DOCK10: variants seen among roughly 807,000 people sequenced by gnomAD.
The protein encoded by DOCK10 is dedicator of cytokinesis 10, also known as dedicator of cytokinesis protein 10.
In DOCK10, 145 loss-of-function variants were observed where a neutral mutation model predicts 280.1. The observed-to-expected ratio is 0.52, with a 90% CI of 0.45 to 0.59. The LOEUF (loss-of-function observed/expected upper bound fraction) is 0.59. Ranked by LOEUF, DOCK10 falls within the 20% of genes least tolerant of loss-of-function variation. DOCK10 has a pLI of 0.00. For missense variants in DOCK10, 2,368 were observed against 2,651.7 expected, an observed-to-expected ratio of 0.89 and a Z score of 2.35; for synonymous variants, 915 against 942.2, an observed-to-expected ratio of 0.97 and a Z score of 0.53.
intron 1 of DOCK10, among the ~76,000 whole-genome samples, chr2:224,968,788 A>C (rs1191463544): frequency 6.6e-6 from 1 of 152,250 alleles, no homozygotes; most frequent in Non-Finnish European, 1.5e-5. Flanking sequence ...ACATAGCTAC[A>C]TGGTATGTGC....
At chr2:224,973,397 G>T (rs992147449) in intron 1 of DOCK10, among the ~76,000 whole-genome samples, 1 of 152,106 alleles carries the variant, frequency 6.6e-6, no homozygotes, top group African/African-American at 2.4e-5. Context: ...TAATCACAGG[G>T]GTCCTTACGA....
At chr2:224,793,373 T>G in intron 46 of DOCK10, 27 bp downstream of exon 46, 1 of 1,593,268 alleles carries the variant, frequency 6.3e-7, no homozygotes, top group Non-Finnish European at 8.6e-7. Context: ...ATCTAGGCTT[T>G]TTGCCTCCCT....
intron 11 of DOCK10, among the ~76,000 whole-genome samples, chr2:224,871,095 G>A (rs1698253493): frequency 6.6e-6 from 1 of 152,004 alleles, no homozygotes; most frequent in Non-Finnish European, 1.5e-5. Context: ...CCAAAGTGCT[G>A]GGATTACAGG....
Position 224,857,897 on chromosome 2 carries a change from C to T in DOCK10, c.1686-915G>A, listed in dbSNP as rs542341546. ...TTTAAATGGATATCAGATTAAATAG[C>T]TTTAGTGTTAAATAGAACACCAAAA... On this transcript the variant is annotated intron_variant, in intron 14 of 55. Coordinates refer to ENST00000258390, the MANE Select transcript of DOCK10 (RefSeq NM_014689.3). Among the ~76,000 whole-genome samples, 4 of 152,134 alleles carry T rather than the reference C, an allele frequency of 2.6e-5. No homozygotes were observed. The South Asian group carries it at 8.3e-4, about 32-fold the overall frequency.
chr2:224,879,806 G>T (rs1698871485), intron 7 of DOCK10, among the ~76,000 whole-genome samples: 1 of 151,770 alleles, frequency 6.6e-6, no homozygotes, highest in Non-Finnish European at 1.5e-5. Context: ...ACTCATAAAA[G>T]AACTGTAAAT....
At chr2:224,994,354 T>G (rs1706208488) in intron 1 of DOCK10, among the ~76,000 whole-genome samples, 1 of 152,232 alleles carries the variant, frequency 6.6e-6, no homozygotes, top group Non-Finnish European at 1.5e-5. Flanking sequence ...CTCAGAAGAC[T>G]GCTGTGAGAA....
chr2:224,820,464 G>C (rs575886388), intron 28 of DOCK10, among the ~76,000 whole-genome samples: 52 of 152,364 alleles, frequency 3.4e-4, no homozygotes, highest in African/African-American at 1.2e-3. Context: ...TACTTGGTGT[G>C]TGAGTCTCAT....
At chr2:224,937,143 T>A (rs1036588738) in intron 1 of DOCK10, among the ~76,000 whole-genome samples, 6 of 152,204 alleles carry the variant, frequency 3.9e-5, no homozygotes, top group African/African-American at 1.4e-4. Context: ...CAACATCTGG[T>A]AACTTACTTA....
At chr2:224,982,306 A>G in intron 1 of DOCK10, 5 of 1,232,060 alleles carry the variant, frequency 4.1e-6, no homozygotes, top group Non-Finnish European at 5.1e-6. Flanking sequence ...AAATGTGTGG[A>G]CAGCTCCTCT....
intron 11 of DOCK10, 65 bp from the exon 12 acceptor site, chr2:224,865,152 AGT>A (rs1697821592): frequency 6.8e-7 from 1 of 1,467,140 alleles, no homozygotes; most frequent in African/African-American, 1.4e-5. Flanking sequence ...CAGCCTCGTT[AGT>A]ACATCATTTA....
chr2:224,923,710 A>G (rs140711248), intron 2 of DOCK10, among the ~76,000 whole-genome samples: 1 of 152,346 alleles, frequency 6.6e-6, no homozygotes, highest in Non-Finnish European at 1.5e-5. Context: ...ATTCCTGCAC[A>G]GGGCCTTTGC....
chr2:224,780,190 A>G (rs1231613031), intron 50 of DOCK10, among the ~76,000 whole-genome samples: 4 of 152,238 alleles, frequency 2.6e-5, no homozygotes, highest in Non-Finnish European at 5.9e-5. Flanking sequence ...AAAGTGTCAT[A>G]TGATGTTGAA....
chr2:224,833,027 C>T (rs1168478979), intron 26 of DOCK10, among the ~76,000 whole-genome samples: 6 of 152,136 alleles, frequency 3.9e-5, no homozygotes, highest in Non-Finnish European at 7.3e-5. Flanking sequence ...AATTCTTCTC[C>T]GAGCATTCCC....
chr2:224,924,013 C>T (rs1408210948), intron 2 of DOCK10, among the ~76,000 whole-genome samples: 1 of 152,176 alleles, frequency 6.6e-6, no homozygotes, highest in Non-Finnish European at 1.5e-5. Flanking sequence ...TAAAATATAA[C>T]AACTGTAAAA....
At chr2:224,930,482 G>T (rs899333231) in intron 2 of DOCK10, among the ~76,000 whole-genome samples, 5 of 151,706 alleles carry the variant, frequency 3.3e-5, no homozygotes, top group South Asian at 2.1e-4. Context: ...TTACAAATCT[G>T]TCTCCTTTTT....
intron 1 of DOCK10, among the ~76,000 whole-genome samples, chr2:224,932,294 T>C (rs1459051111): frequency 9.2e-5 from 14 of 152,148 alleles, no homozygotes; most frequent in Non-Finnish European, 1.2e-4. Flanking sequence ...AATAGCCCGA[T>C]AATCACATTG....
chr2:224,822,450 G>A (rs1045829582), intron 28 of DOCK10, among the ~76,000 whole-genome samples: 1 of 152,028 alleles, frequency 6.6e-6, no homozygotes, highest in Non-Finnish European at 1.5e-5. Flanking sequence ...AAAAAACAGC[G>A]TGGGTCAACC....
At chr2:224,942,990 T>C (rs2135874) in intron 1 of DOCK10, among the ~76,000 whole-genome samples, 1 of 151,948 alleles carries the variant, frequency 6.6e-6, no homozygotes, top group African/African-American at 2.4e-5. Context: ...TTAGGACACA[T>C]AATTTAGGAA....
At chr2:224,974,637 A>G (rs1705295104) in intron 1 of DOCK10, among the ~76,000 whole-genome samples, 2 of 151,344 alleles carry the variant, frequency 1.3e-5, no homozygotes, top group Admixed American at 6.6e-5. Flanking sequence ...ATGTTTTAAA[A>G]ATTAACAGAC....
Sources: allele counts gnomAD v4.1 joint callset (sites outside exome capture counted in the v4.1 genomes callset), GRCh38; gene constraint gnomAD v4.1.1; transcripts MANE v1.5; gene names NCBI Gene and HGNC (gene_info 2026-07-23, HGNC 2026-07-21).